Variants in HECW2 observed in about 807,000 individuals in gnomAD.
The protein encoded by HECW2 is HECT, C2 and WW domain containing E3 ubiquitin protein ligase 2.
Under a neutral mutation model 175.2 loss-of-function variants are expected in HECW2, and 61 were observed. The ratio of observed to expected loss-of-function variants is 0.35; its 90% CI spans 0.28 to 0.43. HECW2 has a LOEUF of 0.43. HECW2 is among the 20% of genes least tolerant of loss of function. HECW2 has a pLI of 1.00. For synonymous variants in HECW2, 671 were observed against 731.0 expected, an observed-to-expected ratio of 0.92 and a Z score of 1.32; for missense variants, 1,524 against 2,000.5, an observed-to-expected ratio of 0.76 and a Z score of 4.54.
chr2:196,237,347 A>T lies in HECW2; in HGVS notation c.3764+3102T>A, dbSNP rs368838862. Among the ~76,000 whole-genome samples the T allele has an allele frequency of 1.2e-4, 18 of 151,308 alleles. 1 individual carries two copies. Among genetic ancestry groups the T allele is most frequent in the African/African-American group, 4.4e-4 (18 of 41,106 alleles). On this transcript the variant is annotated intron_variant, in intron 21 of 28. Coordinates refer to ENST00000644978, the MANE Select transcript of HECW2 (RefSeq NM_001348768.2). ...AGTCTTTTATCCCTTGCCACCCCCA[A>T]CTCTTTCCCCCAAGTCCCAAAAGTT...
chr2:196,271,915 T>C (rs953961394), intron 16 of HECW2, among the ~76,000 whole-genome samples: 3 of 152,218 alleles, frequency 2.0e-5, no homozygotes, highest in Non-Finnish European at 4.4e-5. Context: ...CTGTTAGCTG[T>C]GGCTTAGTTA....
intron 2 of HECW2, among the ~76,000 whole-genome samples, chr2:196,427,970 T>G (rs1458715438): frequency 6.6e-6 from 1 of 152,222 alleles, no homozygotes; most frequent in African/African-American, 2.4e-5. Flanking sequence ...CTGATTCACA[T>G]GCATATGTTT....
chr2:196,327,907 T>C (rs1692213239), intron 5 of HECW2, among the ~76,000 whole-genome samples: 1 of 152,246 alleles, frequency 6.6e-6, no homozygotes, highest in African/African-American at 2.4e-5. Context: ...CAGATGGTCA[T>C]TCTCACATAG....
rs1449957184 is a variant in HECW2, at chr2:196,555,412, A to C, written c.-36+38096T>G. 3.3e-5 allele frequency among the ~76,000 whole-genome samples: 5 copies of C among 152,232 alleles called. No homozygotes were observed. In the South Asian group the frequency reaches 6.2e-4, roughly 19 times the overall value. On this transcript the variant is annotated intron_variant, in intron 1 of 28. Coordinates refer to ENST00000644978, the MANE Select transcript of HECW2 (RefSeq NM_001348768.2). The stretch of plus-strand genomic sequence containing the variant: ...CATGAGGGCTCCATTGTCATGACCT[A>C]ATCACCTGCCAAAGGCCACCTCCTA...
At chr2:196,574,077 C>T (rs578135737) in intron 1 of HECW2, among the ~76,000 whole-genome samples, 2 of 152,118 alleles carry the variant, frequency 1.3e-5, no homozygotes, top group East Asian at 3.9e-4. Flanking sequence ...CTATACACAA[C>T]CAACAAACTA....
intron 27 of HECW2, 54 bp downstream of exon 27, chr2:196,216,954 C>T: frequency 8.2e-7 from 1 of 1,216,700 alleles, no homozygotes; most frequent in Non-Finnish European, 1.1e-6. Context: ...AAAACATACA[C>T]TTCCAACAAT....
intron 7 of HECW2, among the ~76,000 whole-genome samples, chr2:196,321,334 T>C (rs1233902948): frequency 6.6e-6 from 1 of 152,204 alleles, no homozygotes; most frequent in African/African-American, 2.4e-5. Context: ...GTCATTTCAT[T>C]TTCCTGCACA....
Position 196,201,156 on chromosome 2 carries a change from C to G in HECW2, c.*121G>C, listed in dbSNP as rs1686843219. Reference sequence around the variant, plus strand: ...TGACAGAGCACTTGTTCCTGGAAAACAACAGCACATAGCTTTATCCTAAAG... The same window carrying G: ...TGACAGAGCACTTGTTCCTGGAAAAGAACAGCACATAGCTTTATCCTAAAG... On this transcript the variant is annotated 3_prime_UTR_variant, in exon 29 of 29. Coordinates refer to ENST00000644978, the MANE Select transcript of HECW2 (RefSeq NM_001348768.2). 1 of 699,734 alleles carries G rather than the reference C, an allele frequency of 1.4e-6. No homozygotes were observed. The highest frequency in any genetic ancestry group is 1.8e-5 in the African/African-American group (1 of 56,384). 43.3% of individuals were successfully genotyped at this position (699,734 alleles called of 1,614,324 possible). A position where few individuals can be genotyped will look rare whatever the true frequency, so the allele number is the denominator to read the frequency against.
chr2:196,246,536 C>T (rs1688650788), intron 19 of HECW2, among the ~76,000 whole-genome samples: 1 of 150,796 alleles, frequency 6.6e-6, no homozygotes, highest in African/African-American at 2.4e-5. Flanking sequence ...AGGCGTCTGC[C>T]ACCACGCCCG....
At chr2:196,367,699 T>C (rs1272093455) in intron 2 of HECW2, among the ~76,000 whole-genome samples, 3 of 152,172 alleles carry the variant, frequency 2.0e-5, no homozygotes, top group Non-Finnish European at 2.9e-5. Context: ...ATGAGTTCAA[T>C]TGTTTTCATG....
chr2:196,483,502 T>C lies in HECW2; in HGVS notation c.-35-50044A>G, dbSNP rs1397143387. The stretch of plus-strand genomic sequence containing the variant: ...GGTTTACCAGACCCTTCCCATTTAG[T>C]AGAAACATCTTTCTCAAGAAAACCG... On this transcript the variant is annotated intron_variant, in intron 1 of 28. Coordinates refer to ENST00000644978, the MANE Select transcript of HECW2 (RefSeq NM_001348768.2). 5.9e-5 allele frequency among the ~76,000 whole-genome samples: 9 copies of C among 152,330 alleles called. No homozygotes were observed. The East Asian group carries it at 1.7e-3, about 29-fold the overall frequency.
intron 1 of HECW2, among the ~76,000 whole-genome samples, chr2:196,576,780 G>A (rs1690576686): frequency 6.6e-6 from 1 of 152,056 alleles, no homozygotes. Context: ...ATTTCACAAT[G>A]TATACACATA....
chr2:196,216,543 A>C (rs79752521), intron 27 of HECW2, among the ~76,000 whole-genome samples: 2 of 150,334 alleles, frequency 1.3e-5, no homozygotes, highest in African/African-American at 5.0e-5. Flanking sequence ...AAAAAAAAAA[A>C]ACACAAGTTA....
intron 21 of HECW2, among the ~76,000 whole-genome samples, chr2:196,228,862 A>C (rs1687947045): frequency 6.6e-6 from 1 of 152,198 alleles, no homozygotes; most frequent in African/African-American, 2.4e-5. Context: ...AGACAAGAAA[A>C]ATGAGGGTGC....
intron 2 of HECW2, among the ~76,000 whole-genome samples, chr2:196,418,932 T>G (rs2125242287): frequency 6.6e-6 from 1 of 152,334 alleles, no homozygotes; most frequent in South Asian, 2.1e-4. Context: ...TTCTGTTCAA[T>G]AAAATCATTA....
intron 2 of HECW2, among the ~76,000 whole-genome samples, chr2:196,379,167 A>G (rs1334178450): frequency 1.3e-5 from 2 of 152,198 alleles, no homozygotes; most frequent in East Asian, 3.8e-4. Flanking sequence ...AAAGGAAAAA[A>G]TGATAGTGAA....
chr2:196,394,624 T>G (rs948036020), intron 2 of HECW2, among the ~76,000 whole-genome samples: 2 of 152,138 alleles, frequency 1.3e-5, no homozygotes. Context: ...GTATCCCAGA[T>G]CAGTTAATTA....
At chr2:196,562,326 A>T (rs1690029950) in intron 1 of HECW2, among the ~76,000 whole-genome samples, 1 of 152,236 alleles carries the variant, frequency 6.6e-6, no homozygotes, top group Non-Finnish European at 1.5e-5. Context: ...TAAAGAAGTA[A>T]AACCACTTAT....
intron 8 of HECW2, among the ~76,000 whole-genome samples, chr2:196,320,113 C>T (rs1472948082): frequency 1.3e-5 from 2 of 152,180 alleles, no homozygotes; most frequent in Non-Finnish European, 2.9e-5. Flanking sequence ...TGGCTGAAAA[C>T]TCTACAGCCC....
Sources: gnomAD v4.1 joint callset for allele counts (sites outside exome capture counted in the v4.1 genomes callset) on GRCh38, gnomAD v4.1.1 for gene constraint, MANE v1.5 for transcripts, NCBI Gene and HGNC (gene_info 2026-07-23, HGNC 2026-07-21) for gene names.